The following KIF13B variants were observed in gnomAD, a reference collection of about 807,000 sequenced individuals.
KIF13B encodes the protein kinesin-like protein KIF13B.
Under a neutral mutation model 222.0 loss-of-function variants are expected in KIF13B, and 127 were observed. The observed-to-expected ratio is 0.57, with a 90% CI of 0.50 to 0.66. The LOEUF is 0.66. Ranked by LOEUF, KIF13B falls within the 30% of genes least tolerant of loss-of-function variation. KIF13B has a pLI of 0.00. For synonymous variants in KIF13B, 976 were observed against 919.0 expected, an observed-to-expected ratio of 1.06 and a Z score of -1.12; for missense variants, 2,173 against 2,379.0, an observed-to-expected ratio of 0.91 and a Z score of 1.80.
At chr8:29,114,856 G>A (rs978603910) in intron 31 of KIF13B, among the ~76,000 whole-genome samples, 1 of 152,144 alleles carries the variant, frequency 6.6e-6, no homozygotes, top group Non-Finnish European at 1.5e-5. Flanking sequence ...GTCAGTCCCA[G>A]GGCCTGGCAA....
intron 8 of KIF13B, 78 bp downstream of exon 8, chr8:29,180,026 T>A: frequency 6.6e-7 from 1 of 1,526,602 alleles, no homozygotes; most frequent in Admixed American, 1.8e-5. Context: ...TTAATTCATC[T>A]AACACCTGAA....
intron 30 of KIF13B, among the ~76,000 whole-genome samples, chr8:29,118,184 A>G (rs998768824): frequency 1.3e-5 from 2 of 151,162 alleles, no homozygotes; most frequent in Non-Finnish European, 3.0e-5. Flanking sequence ...AAAAGTCCTT[A>G]CAAAATGATT....
chr8:29,209,730 G>A (rs1193451327), intron 2 of KIF13B, among the ~76,000 whole-genome samples: 1 of 151,970 alleles, frequency 6.6e-6, no homozygotes, highest in East Asian at 1.9e-4. Context: ...CTAGCATCTA[G>A]GGCACAGAAA....
At chr8:29,084,017 C>A (rs1807929053) in intron 37 of KIF13B, among the ~76,000 whole-genome samples, 1 of 152,104 alleles carries the variant, frequency 6.6e-6, no homozygotes, top group Non-Finnish European at 1.5e-5. Context: ...AGGGTTCAAG[C>A]GATTCCCCTG....
intron 36 of KIF13B, among the ~76,000 whole-genome samples, chr8:29,093,757 G>A (rs867589992): frequency 6.6e-6 from 1 of 151,906 alleles, no homozygotes; most frequent in East Asian, 1.9e-4. Flanking sequence ...GTAAGTATAC[G>A]GCAAAAAGTT....
chr8:29,194,250 GAT>G (rs997839113), intron 3 of KIF13B, among the ~76,000 whole-genome samples: 2 of 150,732 alleles, frequency 1.3e-5, no homozygotes, highest in Admixed American at 1.3e-4. Context: ...ATTTATCAGA[GAT>G]AGGTTCTAAA....
chr8:29,175,696 G>A (rs888674574), intron 10 of KIF13B, among the ~76,000 whole-genome samples: 1 of 152,228 alleles, frequency 6.6e-6, no homozygotes, highest in Admixed American at 6.5e-5. Context: ...CCAACAAAAG[G>A]AGTCTGTGGA....
rs1309197192 is a variant in KIF13B, at chr8:29,142,138, T to C, written c.2334+19A>G. On this transcript the variant is annotated intron_variant, in intron 19 of 39. Transcript: ENST00000524189. ...CTTCCATAATTACCAATTAAGTGAT[T>C]TTCTCTTAAATAACTTACTGGGTTA... The C allele has an allele frequency of 2.5e-6, 4 of 1,603,032 alleles. No individual in the cohort carries two copies. In the South Asian group the frequency reaches 4.4e-5, roughly 18 times the overall value.
In KIF13B at chr8:29,119,252, T is replaced by C. The variant is rs573943885; in HGVS notation, c.3536-260A>G. Among the ~76,000 whole-genome samples, 8 of 152,160 alleles carry C rather than the reference T, an allele frequency of 5.3e-5. No individual in the cohort carries two copies. The South Asian group carries it at 1.7e-3, about 32-fold the overall frequency. On this transcript the variant is annotated intron_variant, in intron 29 of 39. Coordinates refer to ENST00000524189, the MANE Select transcript of KIF13B (RefSeq NM_015254.4). ...GGAAGGCAAATGAAACCAAGATACCTAAGAGGTTACCCAAGGTCATCTCAT... is the reference window on the plus strand; with the variant it reads ...GGAAGGCAAATGAAACCAAGATACCCAAGAGGTTACCCAAGGTCATCTCAT...
intron 2 of KIF13B, among the ~76,000 whole-genome samples, chr8:29,203,195 A>G (rs1191612746): frequency 5.3e-5 from 8 of 152,184 alleles, no homozygotes; most frequent in Non-Finnish European, 1.2e-4. Flanking sequence ...ATATTTCTTA[A>G]GCTGTTCAGG....
chr8:29,169,225 G>A (rs113077054), intron 10 of KIF13B, among the ~76,000 whole-genome samples: 1,923 of 152,270 alleles, frequency 0.013, 24 homozygotes, highest in African/African-American at 0.03. Flanking sequence ...TTGTGAGTTC[G>A]ATTTATCACA....
chr8:29,162,028 T>C (rs757500308), intron 12 of KIF13B, among the ~76,000 whole-genome samples: 1 of 152,202 alleles, frequency 6.6e-6, no homozygotes, highest in Non-Finnish European at 1.5e-5. Context: ...TCCTTTTTTG[T>C]GCCTGCCTCT....
At chr8:29,193,952 G>C (rs1813302477) in intron 3 of KIF13B, among the ~76,000 whole-genome samples, 1 of 151,462 alleles carries the variant, frequency 6.6e-6, no homozygotes, top group Non-Finnish European at 1.5e-5. Flanking sequence ...TGAGTAGCTG[G>C]GACTACAGGC....
chr8:29,227,389 A>G (rs909565274), intron 2 of KIF13B, among the ~76,000 whole-genome samples: 2 of 152,188 alleles, frequency 1.3e-5, no homozygotes, highest in East Asian at 1.9e-4. Context: ...TCCTGGGTTC[A>G]AGTGATTTTC....
At chr8:29,180,288 C>T (rs779242833) in intron 7 of KIF13B, 50 bp from the exon 8 acceptor site, 2 of 1,570,616 alleles carry the variant, frequency 1.3e-6, no homozygotes, top group Admixed American at 3.4e-5. Context: ...GTGTAATACA[C>T]ACTAAAATCC....
chr8:29,195,643 G>C (rs951406584), intron 3 of KIF13B, among the ~76,000 whole-genome samples: 1 of 152,184 alleles, frequency 6.6e-6, no homozygotes, highest in Non-Finnish European at 1.5e-5. Flanking sequence ...ACTTCAAGCA[G>C]GGCTCCACAT....
At chr8:29,235,009 T>C (rs1407112888) in intron 2 of KIF13B, among the ~76,000 whole-genome samples, 4 of 152,178 alleles carry the variant, frequency 2.6e-5, no homozygotes, top group African/African-American at 4.8e-5. Context: ...ATATGGACTA[T>C]GGTGCCTGAG....
chr8:29,263,331 C>T (rs530810615), upstream of KIF13B, among the ~76,000 whole-genome samples: 20 of 152,382 alleles, frequency 1.3e-4, no homozygotes, highest in South Asian at 3.9e-3. Flanking sequence ...TTCTTGCTCT[C>T]GCAGCCAGTA....
chr8:29,247,833 CAAAAAAAAAAAA>C (rs57720312), intron 1 of KIF13B, among the ~76,000 whole-genome samples: 30 of 54,416 alleles, frequency 5.5e-4, no homozygotes, highest in African/African-American at 1.8e-4. Flanking sequence ...GACCCTGTCT[CAAAAAAAAAAAA>C]AAAAAAAAAA....
Sources: gnomAD v4.1 joint callset for allele counts (sites outside exome capture counted in the v4.1 genomes callset) on GRCh38, gnomAD v4.1.1 for gene constraint, MANE v1.5 for transcripts, NCBI Gene and HGNC (gene_info 2026-07-23, HGNC 2026-07-21) for gene names.